Variants in ABCA13 observed in about 807,000 individuals in gnomAD.
ABCA13 encodes ATP binding cassette subfamily A member 13, also known as ATP-binding cassette sub-family A member 13.
In ABCA13, 476 loss-of-function variants were observed where a neutral mutation model predicts 478.7. That is an observed-to-expected ratio of 0.99 (90% CI 0.92 to 1.07). The LOEUF is 1.07. ABCA13 is among the 50% of genes least tolerant of loss of function. The probability of loss-of-function intolerance (pLI) is 0.00; values close to 1 mark genes in which losing one functional copy is unlikely to be tolerated. For synonymous variants in ABCA13, 2,252 were observed against 2,158.9 expected (o/e 1.04, Z -1.20); for missense variants, 6,060 against 5,910.6 (o/e 1.03, Z -0.83).
chr7:48,418,067 CTATT>C (rs1299571744), intron 41 of ABCA13, among the ~76,000 whole-genome samples: 1 of 152,176 alleles, frequency 6.6e-6, no homozygotes, highest in Non-Finnish European at 1.5e-5. Flanking sequence ...GTACCATAGT[CTATT>C]TATCTATTCA....
chr7:48,515,141 G>GAA (rs1180811406), intron 51 of ABCA13, among the ~76,000 whole-genome samples: 1 of 152,028 alleles, frequency 6.6e-6, no homozygotes, highest in African/African-American at 2.4e-5. Context: ...AACATATTAG[G>GAA]AAAACCTCAG....
chr7:48,374,360 C>A lies in ABCA13; in HGVS notation c.11147C>A (p.Thr3716Lys). The A allele has an allele frequency of 6.2e-7, 1 of 1,610,016 alleles. No homozygotes were observed. The highest frequency in any genetic ancestry group is 8.5e-7 in the Non-Finnish European group (1 of 1,178,458). Residue 3716 changes from threonine to lysine, a missense_variant, in exon 34 of 62, where the codon ACA becomes AAA. By Grantham distance (78) the Thr-to-Lys change is moderately conservative. This residue lies in a region of ABCA13 where 4,423 missense variants were observed against 4,309.1 expected (regional missense o/e 1.03). Coordinates refer to ENST00000435803, the MANE Select transcript of ABCA13 (RefSeq NM_152701.5). ...VNQTFLCLLS[T>K]TAFGQGVFFI... ...ATCTGTGGGCAGTGCCTTCTTTCGA[C>A]AACCGCCTTTGGACAAGGGGTATTT... is the stretch of plus-strand genomic sequence containing the variant.
At chr7:48,354,430 A>G (rs549800597) in intron 31 of ABCA13, among the ~76,000 whole-genome samples, 1 of 152,164 alleles carries the variant, frequency 6.6e-6, no homozygotes, top group South Asian at 2.1e-4. Flanking sequence ...TCAGTTTTCA[A>G]TTCCTACTGA....
chr7:48,297,765 A>C (rs936518075), intron 22 of ABCA13, among the ~76,000 whole-genome samples: 1 of 150,976 alleles, frequency 6.6e-6, no homozygotes, highest in African/African-American at 2.5e-5. Flanking sequence ...CCCTAAGAAG[A>C]AGCTCTTTCT....
chr7:48,645,659 T>G lies in ABCA13; in HGVS notation c.*147T>G. The G allele has an allele frequency of 1.4e-6, 1 of 698,674 alleles. No individual in the cohort carries two copies. The highest frequency in any genetic ancestry group is 1.9e-5 in the South Asian group (1 of 53,952). 43.3% of individuals were successfully genotyped at this position (698,674 alleles called of 1,614,324 possible). A position where few individuals can be genotyped will look rare whatever the true frequency, so the allele number is the denominator to read the frequency against. ...TCTCTTGTTCATTTTCTATTTTGAATCTCCTTGTTAGTTAATAACCACCAA... is the reference window on the plus strand; with the variant it reads ...TCTCTTGTTCATTTTCTATTTTGAAGCTCCTTGTTAGTTAATAACCACCAA... On this transcript the variant is annotated 3_prime_UTR_variant, in exon 62 of 62. Coordinates refer to ENST00000435803, the MANE Select transcript of ABCA13 (RefSeq NM_152701.5).
chr7:48,433,144 T>A (rs1323119151), intron 42 of ABCA13, among the ~76,000 whole-genome samples: 1 of 151,532 alleles, frequency 6.6e-6, no homozygotes, highest in Non-Finnish European at 1.5e-5. Flanking sequence ...AGAAATAAAA[T>A]CTACCAAGTG....
At chr7:48,303,456 T>A (rs1162455982) in intron 23 of ABCA13, among the ~76,000 whole-genome samples, 2 of 152,200 alleles carry the variant, frequency 1.3e-5, no homozygotes, top group Non-Finnish European at 2.9e-5. Context: ...TTCCAGGGTT[T>A]TTATAGTTTT....
rs138886055 is a variant in ABCA13, at chr7:48,579,878, G to A, written c.14355-346G>A. Among the ~76,000 whole-genome samples the A allele has an allele frequency of 3.5e-3, 540 of 152,244 alleles. 2 individuals carry two copies. Among genetic ancestry groups the A allele is most frequent in the Non-Finnish European group, 6.0e-3 (411 of 68,012 alleles). On this transcript the variant is annotated intron_variant, in intron 55 of 61. Coordinates refer to ENST00000435803, the MANE Select transcript of ABCA13 (RefSeq NM_152701.5). Reference sequence around the variant, plus strand: ...GGAAAGTAGCTCTCTTTCTGGTAGGGAGACATCTTTACAAATGAAAATTTC... The same window carrying A: ...GGAAAGTAGCTCTCTTTCTGGTAGGAAGACATCTTTACAAATGAAAATTTC...
At chr7:48,410,423 A>T in intron 39 of ABCA13, 97 bp from the exon 40 acceptor site, 1 of 1,461,394 alleles carries the variant, frequency 6.8e-7, no homozygotes, top group Non-Finnish European at 9.5e-7. Context: ...GAGGATCTTT[A>T]AATTGTGCCC....
chr7:48,244,504 G>T, intron 10 of ABCA13, 72 bp from the exon 11 acceptor site: 1 of 1,524,044 alleles, frequency 6.6e-7, no homozygotes, highest in African/African-American at 1.4e-5. Context: ...CCTTTGAACG[G>T]AATTTTTATT....
chr7:48,347,485 G>T (rs1317236249), intron 29 of ABCA13, among the ~76,000 whole-genome samples: 1 of 152,218 alleles, frequency 6.6e-6, no homozygotes, highest in Non-Finnish European at 1.5e-5. Context: ...CCAAGGGCTG[G>T]TTCAGAGATT....
chr7:48,595,919 T>A (rs1790242059), intron 58 of ABCA13, among the ~76,000 whole-genome samples: 1 of 152,202 alleles, frequency 6.6e-6, no homozygotes, highest in Admixed American at 6.5e-5. Flanking sequence ...CCCAACAGTC[T>A]AAATCATTCA....
intron 33 of ABCA13, 45 bp from the exon 34 acceptor site, chr7:48,374,302 A>C (rs1383518033): frequency 6.4e-7 from 1 of 1,557,220 alleles, no homozygotes; most frequent in Non-Finnish European, 8.7e-7. Context: ...TGTGGTCCCA[A>C]TCAAAACACT....
chr7:48,588,685 C>T (rs1340981948), intron 57 of ABCA13, among the ~76,000 whole-genome samples: 4 of 152,170 alleles, frequency 2.6e-5, no homozygotes, highest in African/African-American at 9.7e-5. Context: ...TCATTGAAAG[C>T]AGTAAATAAA....
At chr7:48,256,625 T>C (rs1486959811) in intron 15 of ABCA13, among the ~76,000 whole-genome samples, 1 of 152,184 alleles carries the variant, frequency 6.6e-6, no homozygotes, top group Non-Finnish European at 1.5e-5. Context: ...GCCTTACTTC[T>C]GGGCTCTGGG....
rs202051116 is a variant in ABCA13 at position 48,387,930 on chromosome 7, T to A, written c.11444T>A (p.Phe3815Tyr). ...CAATACTTTCTAAGTTCTAGTCTGT[T>A]CTTCTTCAATGAGAACTTTGACAAT... ...KRQYFLSSSL[F>Y]FFNENFDNKG... is the part of the protein sequence containing the mutation. Residue 3815 changes from phenylalanine (F) to tyrosine (Y), a missense_variant, in exon 36 of 62, where the codon TTC (phenylalanine) becomes TAC (tyrosine). By Grantham distance (22) the Phe-to-Tyr change is conservative (BLOSUM62 3). This residue lies in a region of ABCA13 where 1,627 missense variants were observed against 1,571.0 expected (regional missense o/e 1.04). Transcript: ENST00000435803. The A allele has an allele frequency of 9.9e-5, 159 of 1,610,842 alleles. No homozygotes were observed. Among genetic ancestry groups the A allele is most frequent in the Non-Finnish European group, 4.7e-5 (55 of 1,177,840 alleles).
intron 3 of ABCA13, among the ~76,000 whole-genome samples, chr7:48,202,951 C>T (rs911253489): frequency 8.6e-5 from 13 of 150,494 alleles, no homozygotes; most frequent in African/African-American, 2.7e-4. Context: ...GACTGGGCGC[C>T]GTGGAGCAGG....
intron 56 of ABCA13, among the ~76,000 whole-genome samples, chr7:48,581,005 C>T (rs962862029): frequency 1.3e-5 from 2 of 152,030 alleles, no homozygotes; most frequent in South Asian, 2.1e-4. Context: ...TAGAGGTCAG[C>T]GAAGCAGAGC....
chr7:48,298,566 T>G, intron 23 of ABCA13, 79 bp downstream of exon 23: 2 of 1,485,756 alleles, frequency 1.3e-6, no homozygotes, highest in Non-Finnish European at 9.0e-7. Context: ...GTGTTGTCCT[T>G]TCTTCCTTCT....
Sources: gnomAD v4.1 joint callset for allele counts (sites outside exome capture counted in the v4.1 genomes callset) on GRCh38, gnomAD v4.1.1 for gene constraint, gnomAD v4.1.1 regional missense constraint, MANE v1.5 for transcripts, NCBI Gene and HGNC (gene_info 2026-07-23, HGNC 2026-07-21) for gene names.